Variants in AP2B1 observed in about 807,000 individuals in gnomAD.
AP2B1 encodes adaptor related protein complex 2 subunit beta 1.
In AP2B1, 23 loss-of-function variants were observed where a neutral mutation model predicts 102.0. The ratio of observed to expected loss-of-function variants is 0.23; its 90% confidence interval spans 0.16 to 0.32. AP2B1 has a LOEUF of 0.32. Among genes scored for constraint, AP2B1 ranks in the 10% least tolerant of loss-of-function variants. The pLI, the probability that AP2B1 is intolerant of heterozygous loss-of-function variation, is 1.00. For missense variants in AP2B1, 541 were observed against 1,157.4 expected, an observed-to-expected ratio of 0.47 and a Z score of 7.73; for synonymous variants, 381 against 421.2, an observed-to-expected ratio of 0.90 and a Z score of 1.17.
At chr17:35,667,205 A>G (rs1274964373) in intron 14 of AP2B1, among the ~76,000 whole-genome samples, 4 of 152,220 alleles carry the variant, frequency 2.6e-5, no homozygotes, top group Non-Finnish European at 2.9e-5. Flanking sequence ...TCACCTTGCC[A>G]TGGTTTCAGA....
intron 18 of AP2B1, among the ~76,000 whole-genome samples, chr17:35,687,884 T>G (rs959743857): frequency 1.6e-4 from 24 of 152,336 alleles, no homozygotes; most frequent in African/African-American, 5.3e-4. Flanking sequence ...CATATATTCT[T>G]TGAAGCTGAG....
chr17:35,685,343 C>G (rs1306552579), intron 18 of AP2B1, among the ~76,000 whole-genome samples: 2 of 152,164 alleles, frequency 1.3e-5, no homozygotes, highest in Admixed American at 6.6e-5. Flanking sequence ...ATTTCAGCTT[C>G]CATTCTGCCC....
rs558164718 is a variant in AP2B1 at position 35,600,902 on chromosome 17, C to T, written c.143+2567C>T. 45 of 637,950 alleles carry T rather than the reference C, an allele frequency of 7.1e-5. No homozygotes were observed. The African/African-American group carries it at 7.2e-4, about 10-fold the overall frequency. The allele number at this position is 637,950 out of a possible 1,614,324, so 39.5% of individuals were successfully genotyped here. On this transcript the variant is annotated intron_variant, in intron 3 of 21. Coordinates refer to ENST00000610402, the MANE Select transcript of AP2B1 (RefSeq NM_001030006.2). ...CGGGGAGCCCAGATAGAAATGGCAG[C>T]GTAGGAAATGACTCTGTATCTTCTC...
intron 9 of AP2B1, among the ~76,000 whole-genome samples, chr17:35,634,323 A>G (rs2142662255): frequency 6.6e-6 from 1 of 152,304 alleles, no homozygotes. Context: ...TTAAATAATT[A>G]AATCTAGAGG....
At chr17:35,607,771 CCTCT>C (rs1160611452) in intron 4 of AP2B1, 1 of 143,906 alleles carries the variant, frequency 6.9e-6, no homozygotes, top group Non-Finnish European at 1.4e-5. Flanking sequence ...CTTTACAGCT[CCTCT>C]TTTTTTTTTT....
intron 5 of AP2B1, among the ~76,000 whole-genome samples, chr17:35,615,745 G>A (rs1413408486): frequency 6.6e-6 from 1 of 152,130 alleles, no homozygotes; most frequent in African/African-American, 2.4e-5. Context: ...TGTCCATGAA[G>A]GAGTTAGAGC....
intron 18 of AP2B1, among the ~76,000 whole-genome samples, chr17:35,706,665 C>T (rs1382843232): frequency 6.6e-6 from 1 of 151,574 alleles, no homozygotes; most frequent in Non-Finnish European, 1.5e-5. Flanking sequence ...TTTTTTGAGG[C>T]AGTTCACTCT....
At chr17:35,675,006 G>A (rs1364024374) in intron 17 of AP2B1, among the ~76,000 whole-genome samples, 1 of 152,210 alleles carries the variant, frequency 6.6e-6, no homozygotes, top group Non-Finnish European at 1.5e-5. Flanking sequence ...CAAAGCTCCT[G>A]ACTGAAAGTT....
In AP2B1 at chr17:35,610,764, G is replaced by A. The variant is rs139430184; in HGVS notation, c.525+2377G>A. ...CTACTAAAAATACAAAAAATTAGCC[G>A]GGCGTGGTGGCAGGCGCCTATCGTC... On this transcript the variant is annotated intron_variant, in intron 5 of 21. Coordinates refer to ENST00000610402, the MANE Select transcript of AP2B1 (RefSeq NM_001030006.2). Among the ~76,000 whole-genome samples the A allele has an allele frequency of 6.5e-3, 981 of 152,090 alleles. 10 individuals carry two copies. The highest frequency in any genetic ancestry group is 0.022 in the African/African-American group (928 of 41,492).
intron 3 of AP2B1, among the ~76,000 whole-genome samples, chr17:35,599,419 C>T (rs1204311811): frequency 1.1e-4 from 17 of 152,114 alleles, no homozygotes; most frequent in Admixed American, 1.1e-3. Context: ...TTTGTATCTC[C>T]CATCATAAGC....
intron 18 of AP2B1, among the ~76,000 whole-genome samples, chr17:35,697,742 A>T (rs1210945025): frequency 6.6e-6 from 1 of 152,154 alleles, no homozygotes; most frequent in Admixed American, 6.5e-5. Context: ...GCGGCAGATC[A>T]CTTGAGGTCA....
At chr17:35,608,066 T>C in intron 4 of AP2B1, 76 bp from the exon 5 acceptor site, 1 of 1,547,470 alleles carries the variant, frequency 6.5e-7, no homozygotes, top group South Asian at 1.2e-5. Context: ...GTAATTCTTT[T>C]GCAGCTTACA....
Position 35,651,166 on chromosome 17 carries a change from A to G in AP2B1, c.1796+377A>G, listed in dbSNP as rs150183534. ...TGAAAACTTGGAAAAAAGCCTGTGT[A>G]TACATTTAGCCATCTTGATCCATTA... On this transcript the variant is annotated intron_variant, in intron 13 of 21. Coordinates refer to ENST00000610402, the MANE Select transcript of AP2B1 (RefSeq NM_001030006.2). 8.5e-5 allele frequency among the ~76,000 whole-genome samples: 13 copies of G among 152,344 alleles called. No homozygotes were observed. In the East Asian group the frequency reaches 2.5e-3, roughly 29 times the overall value.
chr17:35,596,975 G>T (rs112483019), intron 2 of AP2B1: 25,209 of 668,386 alleles, frequency 0.038, 596 homozygotes, highest in African/African-American at 0.071. Context: ...TGTCTCGTGC[G>T]CCTTTCGGAG....
intron 12 of AP2B1, among the ~76,000 whole-genome samples, chr17:35,642,285 C>T (rs114367556): frequency 2.3e-5 from 3 of 132,300 alleles, no homozygotes; most frequent in Non-Finnish European, 3.3e-5. Flanking sequence ...TTCACTGTGA[C>T]TTCATTTCAG....
chr17:35,683,097 C>T (rs587645599), intron 18 of AP2B1, among the ~76,000 whole-genome samples: 2 of 152,068 alleles, frequency 1.3e-5, no homozygotes, highest in South Asian at 4.2e-4. Context: ...AGGCTGGTCT[C>T]GAACTCCTGA....
At chr17:35,636,834 A>C (rs2142696367) in intron 10 of AP2B1, among the ~76,000 whole-genome samples, 2 of 152,312 alleles carry the variant, frequency 1.3e-5, no homozygotes, top group East Asian at 1.9e-4. Context: ...TCTTCTCAGA[A>C]ATGTATAAGT....
chr17:35,707,660 C>T (rs1444596336), intron 18 of AP2B1, among the ~76,000 whole-genome samples: 1 of 151,826 alleles, frequency 6.6e-6, no homozygotes, highest in Admixed American at 6.6e-5. Flanking sequence ...TTCACGTTGG[C>T]TAGGCTGATC....
intron 14 of AP2B1, chr17:35,660,062 T>G (rs1460630276): frequency 1.0e-6 from 1 of 985,388 alleles, no homozygotes; most frequent in Non-Finnish European, 1.2e-6. Context: ...ATTTTTTGAA[T>G]GCATCCTTGC....
Sources: gnomAD v4.1 joint callset for allele counts (sites outside exome capture counted in the v4.1 genomes callset) on GRCh38, gnomAD v4.1.1 for gene constraint, MANE v1.5 for transcripts, NCBI Gene and HGNC (gene_info 2026-07-23, HGNC 2026-07-21) for gene names.